Variants in ZBTB20 observed in about 807,000 individuals in gnomAD.
The protein encoded by ZBTB20 is zinc finger and BTB domain containing 20.
Under a neutral mutation model 56.9 loss-of-function variants are expected in ZBTB20, and 9 were observed. The ratio of observed to expected loss-of-function variants is 0.16; its 90% confidence interval spans 0.10 to 0.28. The LOEUF (loss-of-function observed/expected upper bound fraction) is 0.28. ZBTB20 is among the 10% of genes least tolerant of loss of function. The pLI is 1.00. For synonymous variants in ZBTB20, 417 were observed against 420.7 expected (o/e 0.99, Z 0.11); for missense variants, 655 against 1,003.0 (o/e 0.65, Z 4.69).
chr3:114,719,831 G>A (rs1398027629), intron 5 of ZBTB20, among the ~76,000 whole-genome samples: 1 of 151,996 alleles, frequency 6.6e-6, no homozygotes. Context: ...GTTTTAGGAA[G>A]GTTAGAAACT....
At chr3:114,434,916 G>A (rs1387666856) in intron 7 of ZBTB20, among the ~76,000 whole-genome samples, 2 of 152,152 alleles carry the variant, frequency 1.3e-5, no homozygotes, top group Admixed American at 6.5e-5. Context: ...AAAGTGAGGT[G>A]TAGTAGGACA....
At chr3:114,385,634 C>A (rs529468965) in intron 8 of ZBTB20, among the ~76,000 whole-genome samples, 2 of 152,038 alleles carry the variant, frequency 1.3e-5, no homozygotes, top group African/African-American at 4.8e-5. Flanking sequence ...TTTGGGAAGT[C>A]GAGGCGGGCG....
At chr3:114,924,804 C>T (rs1372429901) in intron 3 of ZBTB20, among the ~76,000 whole-genome samples, 1 of 151,842 alleles carries the variant, frequency 6.6e-6, no homozygotes, top group African/African-American at 2.4e-5. Context: ...TGAGATACTG[C>T]TTATTTTTTA....
intron 1 of ZBTB20, among the ~76,000 whole-genome samples, chr3:115,118,500 G>A (rs2084085730): frequency 6.6e-6 from 1 of 151,766 alleles, no homozygotes; most frequent in Admixed American, 6.6e-5. Flanking sequence ...CTTTAACCTA[G>A]GTCAACCAGC....
chr3:114,974,785 C>T (rs555445633), intron 2 of ZBTB20, among the ~76,000 whole-genome samples: 2 of 152,174 alleles, frequency 1.3e-5, no homozygotes, highest in South Asian at 2.1e-4. Context: ...ACAGAGAGTT[C>T]GCAAAGTTCT....
intron 6 of ZBTB20, among the ~76,000 whole-genome samples, chr3:114,557,623 T>C (rs552830403): frequency 6.6e-6 from 1 of 152,046 alleles, no homozygotes; most frequent in Non-Finnish European, 1.5e-5. Context: ...TCTAATGCAG[T>C]TTCTTGTCTC....
At chr3:114,983,740 CAG>C (rs1176354014) in intron 2 of ZBTB20, among the ~76,000 whole-genome samples, 1 of 151,942 alleles carries the variant, frequency 6.6e-6, no homozygotes, top group Non-Finnish European at 1.5e-5. Flanking sequence ...ATACAGCCAA[CAG>C]AGTTTAAATT....
intron 6 of ZBTB20, among the ~76,000 whole-genome samples, chr3:114,500,744 T>C (rs2043852510): frequency 6.6e-6 from 1 of 152,244 alleles, no homozygotes; most frequent in Non-Finnish European, 1.5e-5. Flanking sequence ...CATTTGTCTA[T>C]TTAAATTTAA....
chr3:114,857,399 T>G (rs549962679), intron 4 of ZBTB20, among the ~76,000 whole-genome samples: 1 of 152,282 alleles, frequency 6.6e-6, no homozygotes, highest in South Asian at 2.1e-4. Context: ...TTACAAAATA[T>G]TTAAGGACAG....
intron 2 of ZBTB20, among the ~76,000 whole-genome samples, chr3:115,003,675 A>C (rs2079348654): frequency 6.6e-6 from 1 of 151,660 alleles, no homozygotes; most frequent in South Asian, 2.1e-4. Context: ...TAAAAAACAA[A>C]ACAAAACAAA....
At chr3:114,512,405 G>T (rs1171464786) in intron 6 of ZBTB20, among the ~76,000 whole-genome samples, 1 of 152,014 alleles carries the variant, frequency 6.6e-6, no homozygotes, top group Non-Finnish European at 1.5e-5. Flanking sequence ...TTCTACTTCT[G>T]CCCTCAAGGA....
chr3:114,973,194 C>G (rs947524505), intron 3 of ZBTB20, among the ~76,000 whole-genome samples: 1 of 152,052 alleles, frequency 6.6e-6, no homozygotes, highest in East Asian at 1.9e-4. Context: ...ACTTCTGTAC[C>G]TTAAAATATT....
chr3:114,359,463 G>A (rs990258826), intron 10 of ZBTB20: 1 of 152,076 alleles, frequency 6.6e-6, no homozygotes, highest in African/African-American at 2.4e-5. Flanking sequence ...GAAATGAGGG[G>A]GAGAAGACTT....
In ZBTB20 at chr3:115,000,021, C is replaced by T. The variant is rs138697369; in HGVS notation, c.-506-25605G>A. On this transcript the variant is annotated intron_variant, in intron 2 of 11. Coordinates refer to ENST00000675478, the MANE Select transcript of ZBTB20 (RefSeq NM_001348800.3). ...CTCTGAATTCATTTAATGACCTAGA[C>T]TATTTAGTGTTGGACTTTCATTTAA... is the stretch of plus-strand genomic sequence containing the variant. 6.5e-3 allele frequency among the ~76,000 whole-genome samples: 985 copies of T among 151,462 alleles called. 17 individuals carry two copies. The highest frequency in any genetic ancestry group is 0.021 in the African/African-American group (862 of 41,362).
chr3:115,129,660 T>C (rs1174165904), intron 1 of ZBTB20, among the ~76,000 whole-genome samples: 2 of 152,240 alleles, frequency 1.3e-5, no homozygotes, highest in East Asian at 3.8e-4. Context: ...TTTAGCTGTC[T>C]GTGGCCATTT....
At chr3:114,577,055 T>C (rs2054154223) in intron 6 of ZBTB20, among the ~76,000 whole-genome samples, 1 of 152,300 alleles carries the variant, frequency 6.6e-6, no homozygotes, top group African/African-American at 2.4e-5. Context: ...TTACTTGTTA[T>C]AATCTCTTTC....
At chr3:114,995,719 C>T (rs1366570408) in intron 2 of ZBTB20, among the ~76,000 whole-genome samples, 3 of 151,746 alleles carry the variant, frequency 2.0e-5, no homozygotes, top group Non-Finnish European at 4.4e-5. Context: ...TCATTTAGTG[C>T]TATCCCAAAC....
At chr3:114,965,178 C>G (rs2077600669) in intron 3 of ZBTB20, among the ~76,000 whole-genome samples, 1 of 152,016 alleles carries the variant, frequency 6.6e-6, no homozygotes, top group Non-Finnish European at 1.5e-5. Flanking sequence ...TGAAAATTCT[C>G]CCTTAGTTAA....
intron 6 of ZBTB20, among the ~76,000 whole-genome samples, chr3:114,681,359 C>T (rs1199635180): frequency 6.6e-6 from 1 of 151,714 alleles, no homozygotes; most frequent in South Asian, 2.1e-4. Context: ...TGGGGTTTTG[C>T]CATGTTGGCT....
Sources: allele counts gnomAD v4.1 joint callset (sites outside exome capture counted in the v4.1 genomes callset), GRCh38; gene constraint gnomAD v4.1.1; transcripts MANE v1.5; gene names NCBI Gene and HGNC (gene_info 2026-07-23, HGNC 2026-07-21).